EPHA6: variants seen among roughly 807,000 people sequenced by gnomAD.
EPHA6 encodes ephrin type-A receptor 6.
A neutral mutation model predicts 112.0 loss-of-function variants in EPHA6; 50 were observed. That is an observed-to-expected ratio of 0.45 (90% confidence interval 0.36 to 0.56). EPHA6 has a LOEUF of 0.56. Ranked by LOEUF, EPHA6 falls within the 20% of genes least tolerant of loss-of-function variation. The pLI is 0.00. For synonymous variants in EPHA6, 529 were observed against 490.7 expected (o/e 1.08, Z -1.03); for missense variants, 1,280 against 1,417.4 (o/e 0.90, Z 1.56).
At chr3:97,048,420 C>G (rs1187311553) in intron 3 of EPHA6, among the ~76,000 whole-genome samples, 1 of 151,950 alleles carries the variant, frequency 6.6e-6, no homozygotes, top group African/African-American at 2.4e-5. Context: ...ATCTAGGGAT[C>G]AAATTAAAAT....
chr3:97,292,744 G>A (rs1206643269), intron 5 of EPHA6, among the ~76,000 whole-genome samples: 1 of 150,166 alleles, frequency 6.7e-6, no homozygotes, highest in South Asian at 2.1e-4. Flanking sequence ...AGGTCATCTG[G>A]GTGAGCATCC....
intron 3 of EPHA6, among the ~76,000 whole-genome samples, chr3:97,053,648 T>C (rs573603479): frequency 6.6e-6 from 1 of 152,258 alleles, no homozygotes; most frequent in South Asian, 2.1e-4. Flanking sequence ...CACTGAGTCC[T>C]ATACAACTTG....
chr3:97,295,388 T>C (rs780749379), intron 5 of EPHA6, among the ~76,000 whole-genome samples: 1 of 152,100 alleles, frequency 6.6e-6, no homozygotes, highest in African/African-American at 2.4e-5. Flanking sequence ...TTTATTTCAT[T>C]CATTGAATGC....
At chr3:96,882,886 C>T (rs1471962852) in intron 2 of EPHA6, among the ~76,000 whole-genome samples, 1 of 152,090 alleles carries the variant, frequency 6.6e-6, no homozygotes, top group Non-Finnish European at 1.5e-5. Context: ...CTGCTATAAA[C>T]ATGCGTGTGC....
Position 97,752,411 on chromosome 3 carries a change from C to T in EPHA6, c.*3710C>T. The stretch of plus-strand genomic sequence containing the variant: ...TAAATCTCTCATTTCATAATTTTCA[C>T]TGTGCTAGTTCTTTCTTTTCTCCTC... On this transcript the variant is annotated 3_prime_UTR_variant, in exon 18 of 18. Transcript: ENST00000389672. 1 of 224,058 alleles carries T rather than the reference C, an allele frequency of 4.5e-6. No individual in the cohort carries two copies. The allele number at this position is 224,058 out of a possible 1,614,324, so 13.9% of individuals were successfully genotyped here.
chr3:97,431,354 T>C (rs780690862), intron 6 of EPHA6, among the ~76,000 whole-genome samples: 6 of 152,090 alleles, frequency 3.9e-5, no homozygotes, highest in Non-Finnish European at 5.9e-5. Context: ...AAGTCTATAA[T>C]GAGAGAATGT....
At chr3:97,616,980 T>C (rs2093771809) in intron 13 of EPHA6, among the ~76,000 whole-genome samples, 2 of 152,080 alleles carry the variant, frequency 1.3e-5, no homozygotes, top group Non-Finnish European at 2.9e-5. Context: ...CACATAATCA[T>C]CAGATTCTCC....
At chr3:96,964,076 G>A (rs2042038849) in intron 2 of EPHA6, among the ~76,000 whole-genome samples, 1 of 152,124 alleles carries the variant, frequency 6.6e-6, no homozygotes, top group African/African-American at 2.4e-5. Context: ...GAGATACTTT[G>A]ACATGGGTAT....
intron 5 of EPHA6, among the ~76,000 whole-genome samples, chr3:97,350,704 T>G (rs1259171177): frequency 6.6e-6 from 1 of 152,204 alleles, no homozygotes; most frequent in Admixed American, 6.5e-5. Flanking sequence ...ACTTAACAAC[T>G]TCCAAGGCAT....
chr3:96,838,133 A>G (rs981431284), intron 1 of EPHA6, among the ~76,000 whole-genome samples: 1 of 151,448 alleles, frequency 6.6e-6, no homozygotes, highest in African/African-American at 2.4e-5. Flanking sequence ...CCCACTTATA[A>G]GTGAGAGCAT....
rs1026644477 is a variant in EPHA6 at position 97,244,329 on chromosome 3, C to T, written c.1606+42C>T. 1.9e-6 allele frequency: 3 copies of T among 1,543,376 alleles called. No individual in the cohort carries two copies. The African/African-American group carries it at 4.1e-5, about 21-fold the overall frequency. ...TTCTCTCAAAACAGACCCATAATTTCTTTTGATGCATAAATATCCCTCATG... is the reference window on the plus strand; with the variant it reads ...TTCTCTCAAAACAGACCCATAATTTTTTTTGATGCATAAATATCCCTCATG... On this transcript the variant is annotated intron_variant, in intron 5 of 17. Coordinates refer to ENST00000389672, the MANE Select transcript of EPHA6 (RefSeq NM_001080448.3).
intron 10 of EPHA6, among the ~76,000 whole-genome samples, chr3:97,493,493 T>C (rs2091902261): frequency 6.6e-6 from 1 of 152,130 alleles, no homozygotes; most frequent in Admixed American, 6.6e-5. Context: ...TCACAGTCTT[T>C]ATCAGATTAG....
intron 2 of EPHA6, among the ~76,000 whole-genome samples, chr3:96,979,392 G>A (rs1441804103): frequency 1.1e-4 from 17 of 151,808 alleles, no homozygotes; most frequent in South Asian, 2.1e-4. Flanking sequence ...ATCCTTTTTT[G>A]TGGCTGCATA....
intron 3 of EPHA6, among the ~76,000 whole-genome samples, chr3:96,999,848 T>C (rs1182924649): frequency 1.3e-5 from 2 of 151,820 alleles, no homozygotes; most frequent in African/African-American, 4.8e-5. Context: ...GACAGAAGAA[T>C]CTCACAGATA....
chr3:97,276,199 A>G (rs865825068), intron 5 of EPHA6, among the ~76,000 whole-genome samples: 2 of 152,124 alleles, frequency 1.3e-5, no homozygotes, highest in South Asian at 4.2e-4. Context: ...CCTGGCATCC[A>G]TGATGGTCTA....
chr3:97,434,307 T>C (rs913519437), intron 6 of EPHA6, among the ~76,000 whole-genome samples: 2 of 152,130 alleles, frequency 1.3e-5, no homozygotes, highest in African/African-American at 4.8e-5. Context: ...ATATAGTAGC[T>C]TTGAGAATTT....
intron 10 of EPHA6, among the ~76,000 whole-genome samples, chr3:97,506,331 C>A (rs375762044): frequency 6.6e-6 from 1 of 152,140 alleles, no homozygotes; most frequent in Non-Finnish European, 1.5e-5. Flanking sequence ...ACATTTAAGT[C>A]TTTAGTCCAT....
chr3:97,016,638 G>C (rs1382194038), intron 3 of EPHA6, among the ~76,000 whole-genome samples: 3 of 152,112 alleles, frequency 2.0e-5, no homozygotes, highest in Non-Finnish European at 4.4e-5. Context: ...CTAGAGCCGT[G>C]AACCCATCAT....
intron 5 of EPHA6, among the ~76,000 whole-genome samples, chr3:97,382,717 A>T (rs1029379352): frequency 1.3e-5 from 2 of 152,056 alleles, no homozygotes; most frequent in Non-Finnish European, 2.9e-5. Flanking sequence ...AAATACAATC[A>T]GTCAAATATA....
Sources: gnomAD v4.1 joint callset for allele counts (sites outside exome capture counted in the v4.1 genomes callset) on GRCh38, gnomAD v4.1.1 for gene constraint, MANE v1.5 for transcripts, NCBI Gene and HGNC (gene_info 2026-07-23, HGNC 2026-07-21) for gene names.